USP46: variants seen among roughly 807,000 people sequenced by gnomAD.
USP46 encodes ubiquitin specific peptidase 46, also known as ubiquitin carboxyl-terminal hydrolase 46.
In USP46, 12 loss-of-function variants were observed where a neutral mutation model predicts 44.4. The ratio of observed to expected loss-of-function variants is 0.27; its 90% CI spans 0.17 to 0.44. The LOEUF (loss-of-function observed/expected upper bound fraction) is 0.44, where lower values mean the gene tolerates loss of function less well. Ranked by LOEUF, USP46 falls within the 20% of genes least tolerant of loss-of-function variation. The pLI, the probability that USP46 is intolerant of heterozygous loss-of-function variation, is 1.00. For synonymous variants in USP46, 155 were observed against 161.5 expected (o/e 0.96, Z 0.31); for missense variants, 248 against 444.8 (o/e 0.56, Z 3.98).
intron 2 of USP46, 30 bp downstream of exon 2, chr4:52,631,034 T>G: frequency 6.5e-7 from 1 of 1,534,872 alleles, no homozygotes. Flanking sequence ...CTAAAACATT[T>G]GATGAAAATA....
chr4:52,632,880 AAGGAAGGAAGGAAGGAAGG>A (rs1717890624), intron 1 of USP46, among the ~76,000 whole-genome samples: 1 of 140,594 alleles, frequency 7.1e-6, no homozygotes, highest in East Asian at 2.1e-4. Flanking sequence ...AGAGAAAGAA[AAGGAAGGAAGGAAGGAAGG>A]GAAAGAGAAA....
At chr4:52,625,674 T>C (rs1560401747) in intron 4 of USP46, among the ~76,000 whole-genome samples, 2 of 152,182 alleles carry the variant, frequency 1.3e-5, no homozygotes, top group African/African-American at 4.8e-5. Context: ...GATGGTCCTG[T>C]TCTACATCAC....
intron 4 of USP46, among the ~76,000 whole-genome samples, chr4:52,613,721 C>CA (rs59351260): frequency 5.0e-3 from 381 of 76,822 alleles, no homozygotes; most frequent in Middle Eastern, 0.039. Flanking sequence ...GACTCCATCT[C>CA]AAAAAAAAAA....
At chr4:52,627,201 T>A (rs1475488864) in intron 3 of USP46, among the ~76,000 whole-genome samples, 1 of 152,236 alleles carries the variant, frequency 6.6e-6, no homozygotes, top group African/African-American at 2.4e-5. Context: ...AAATTAGTTT[T>A]AATCTGGTAT....
chr4:52,620,146 C>T (rs527665753), intron 4 of USP46, among the ~76,000 whole-genome samples: 2 of 152,222 alleles, frequency 1.3e-5, no homozygotes, highest in East Asian at 3.9e-4. Context: ...AAAGCTTTTG[C>T]AATATAAATA....
intron 2 of USP46, 31 bp from the exon 3 acceptor site, chr4:52,628,194 C>G (rs1363340995): frequency 3.7e-6 from 6 of 1,602,936 alleles, no homozygotes; most frequent in Non-Finnish European, 5.1e-6. Flanking sequence ...TGGCTCAAGT[C>G]ATTGCCTGGG....
chr4:52,622,588 T>A (rs562982349), intron 4 of USP46, among the ~76,000 whole-genome samples: 1 of 152,328 alleles, frequency 6.6e-6, no homozygotes, highest in Admixed American at 6.5e-5. Flanking sequence ...ACTATCCCTG[T>A]CCTCATCAAT....
chr4:52,640,246 C>G (rs1303091039), intron 1 of USP46, among the ~76,000 whole-genome samples: 1 of 152,094 alleles, frequency 6.6e-6, no homozygotes, highest in Non-Finnish European at 1.5e-5. Flanking sequence ...TAGGACAATA[C>G]TGTAAATGTG....
chr4:52,605,629 G>C (rs1716658251), intron 5 of USP46, among the ~76,000 whole-genome samples: 1 of 152,182 alleles, frequency 6.6e-6, no homozygotes, highest in Non-Finnish European at 1.5e-5. Context: ...TCTGGGCTAG[G>C]TTCTGGGGAT....
At position 52,596,538 on chromosome 4, in the gene USP46, A is replaced by G. The variant is rs1716248914; in HGVS notation, c.*1102T>C. 2 of 152,220 alleles carry G rather than the reference A, an allele frequency of 1.3e-5. No homozygotes were observed. Among genetic ancestry groups the G allele is most frequent in the African/African-American group, 4.8e-5 (2 of 41,440 alleles). 9.4% of individuals were successfully genotyped at this position (152,220 alleles called of 1,614,324 possible). A position where few individuals can be genotyped will look rare whatever the true frequency, so the allele number is the denominator to read the frequency against. On this transcript the variant is annotated 3_prime_UTR_variant, in exon 9 of 9. Transcript: ENST00000441222. ...TTCATTCCTCCCCCTGCCCACGGAC[A>G]CTTCCTTTGAGCCACCTCTATACCC... is the stretch of plus-strand genomic sequence containing the variant.
chr4:52,596,584 C>G lies in USP46; in HGVS notation c.*1056G>C, dbSNP rs1329991414. ...TACCCAGCTAACTCTGGTATTCCCT[C>G]TAGGGAAGGTTCTGTATCAGCCCTG... On this transcript the variant is annotated 3_prime_UTR_variant, in exon 9 of 9. Transcript: ENST00000441222. 2.0e-5 allele frequency: 3 copies of G among 152,306 alleles called. No individual in the cohort carries two copies. The East Asian group carries it at 5.8e-4, about 29-fold the overall frequency. The allele number at this position is 152,306 out of a possible 1,614,324, so 9.4% of individuals were successfully genotyped here.
chr4:52,639,872 T>G (rs1241735614), intron 1 of USP46, among the ~76,000 whole-genome samples: 2 of 148,614 alleles, frequency 1.3e-5, no homozygotes, highest in Non-Finnish European at 3.0e-5. Flanking sequence ...TTTTTTTTTT[T>G]TTTTTTTTTT....
At chr4:52,609,898 C>CTCT (rs1716865691) in intron 5 of USP46, among the ~76,000 whole-genome samples, 1 of 24,574 alleles carries the variant, frequency 4.1e-5, no homozygotes, top group South Asian at 2.2e-3. Flanking sequence ...AATTCTATTT[C>CTCT]TTTTTTTTTT....
chr4:52,604,401 C>T (rs895936444), intron 6 of USP46, 100 bp downstream of exon 6: 3 of 942,056 alleles, frequency 3.2e-6, no homozygotes, highest in Admixed American at 2.5e-5. Flanking sequence ...TGGCTACAAG[C>T]CCAGGTAGCT....
rs1407631641 is a variant in USP46, at chr4:52,594,532, T to C, written c.*3108A>G. The stretch of plus-strand genomic sequence containing the variant: ...AGTGCTGATAAATGCCTTGACCATA[T>C]AATAGCAAACAAGGGCAAAACATTT... On this transcript the variant is annotated 3_prime_UTR_variant, in exon 9 of 9. Transcript: ENST00000441222. 1 of 152,170 alleles carries C rather than the reference T, an allele frequency of 6.6e-6. No homozygotes were observed. Among genetic ancestry groups the C allele is most frequent in the Admixed American group, 6.5e-5 (1 of 15,278 alleles). The allele number at this position is 152,170 out of a possible 1,614,324, so 9.4% of individuals were successfully genotyped here. A position where few individuals can be genotyped will look rare whatever the true frequency, so the allele number is the denominator to read the frequency against.
intron 6 of USP46, among the ~76,000 whole-genome samples, chr4:52,603,071 G>T (rs913920417): frequency 6.6e-6 from 1 of 152,162 alleles, no homozygotes; most frequent in African/African-American, 2.4e-5. Context: ...TAGTTTTAAG[G>T]AATCTATTAA....
Position 52,604,625 on chromosome 4 carries a change from TCTACTTGGTATA to T in USP46, c.639-53_639-42del, listed in dbSNP as rs779045830. Reference sequence around the variant, plus strand: ...TTTCCATCTTTAAAAAATGTCCAAATCTACTTGGTATACTATGTTTTAAATCCCTCAATTAAC... The same window carrying T: ...TTTCCATCTTTAAAAAATGTCCAAATCTATGTTTTAAATCCCTCAATTAAC... On this transcript the variant is annotated intron_variant, in intron 5 of 8. Transcript: ENST00000441222. 1.5e-5 allele frequency: 21 copies of T among 1,400,068 alleles called. No individual in the cohort carries two copies. The South Asian group carries it at 2.4e-4, about 16-fold the overall frequency. The allele number at this position is 1,400,068 out of a possible 1,614,324, so 86.7% of individuals were successfully genotyped here. A position where few individuals can be genotyped will look rare whatever the true frequency, so the allele number is the denominator to read the frequency against.
intron 7 of USP46, among the ~76,000 whole-genome samples, chr4:52,600,631 C>T (rs923900683): frequency 6.6e-6 from 1 of 152,046 alleles, no homozygotes; most frequent in Non-Finnish European, 1.5e-5. Context: ...ATTGGGCACC[C>T]ACAGAGACCC....
At position 52,591,936 on chromosome 4, in the gene USP46, A is replaced by C. The variant is rs1262544311; in HGVS notation, c.*5704T>G. 4 of 152,208 alleles carry C rather than the reference A, an allele frequency of 2.6e-5. No homozygotes were observed. Among genetic ancestry groups the C allele is most frequent in the African/African-American group, 9.6e-5 (4 of 41,458 alleles). The allele number at this position is 152,208 out of a possible 1,614,324, so 9.4% of individuals were successfully genotyped here. On this transcript the variant is annotated 3_prime_UTR_variant, in exon 9 of 9. Transcript: ENST00000441222. Reference sequence around the variant, plus strand: ...TGAGAAGAGGCAAAACGTGAAGTTCATTGTTGCAACATAATCGATTTATAC... The same window carrying C: ...TGAGAAGAGGCAAAACGTGAAGTTCCTTGTTGCAACATAATCGATTTATAC...
Sources: gnomAD v4.1 joint callset for allele counts (sites outside exome capture counted in the v4.1 genomes callset) on GRCh38, gnomAD v4.1.1 for gene constraint, MANE v1.5 for transcripts, NCBI Gene and HGNC (gene_info 2026-07-23, HGNC 2026-07-21) for gene names.